Variants in ATOSA observed in about 807,000 individuals in gnomAD.
ATOSA encodes the protein atos homolog A.
At chr15:52,643,509 G>C in the ATOSA span, among the ~76,000 whole-genome samples, 1 of 146,444 alleles carries the variant, frequency 6.8e-6, no homozygotes, top group African/African-American at 2.5e-5. Flanking sequence ...GACTGGTCTT[G>C]AACTCCTGGG....
the ATOSA span, among the ~76,000 whole-genome samples, chr15:52,603,087 TC>T: frequency 4.6e-5 from 7 of 152,326 alleles, no homozygotes; most frequent in Non-Finnish European, 7.4e-5. Flanking sequence ...GCTGAAAATT[TC>T]TTCCCTGATC....
At chr15:52,709,552 C>G in the ATOSA span, among the ~76,000 whole-genome samples, 1 of 152,138 alleles carries the variant, frequency 6.6e-6, no homozygotes, top group African/African-American at 2.4e-5. Context: ...TGTATGTTCC[C>G]AAGACTGCAC....
the ATOSA span, among the ~76,000 whole-genome samples, chr15:52,648,094 C>A: frequency 2.7e-4 from 41 of 152,146 alleles, no homozygotes; most frequent in African/African-American, 9.9e-4. Context: ...ACGTTTTTAA[C>A]GTAGAATAAC....
At chr15:52,616,049 G>C in the ATOSA span, among the ~76,000 whole-genome samples, 1 of 152,152 alleles carries the variant, frequency 6.6e-6, no homozygotes, top group Non-Finnish European at 1.5e-5. Flanking sequence ...TACATCCCCA[G>C]GTTAAAAAAT....
At chr15:52,629,974 G>A in the ATOSA span, among the ~76,000 whole-genome samples, 1 of 152,118 alleles carries the variant, frequency 6.6e-6, no homozygotes, top group Non-Finnish European at 1.5e-5. Context: ...GTATACAATA[G>A]AGTAAAATTA....
At chr15:52,670,416 G>C in the ATOSA span, among the ~76,000 whole-genome samples, 1 of 152,294 alleles carries the variant, frequency 6.6e-6, no homozygotes, top group Non-Finnish European at 1.5e-5. Context: ...GTTCAGAAAG[G>C]CTATGTAATT....
chr15:52,695,397 G>A, the ATOSA span, among the ~76,000 whole-genome samples: 1 of 152,138 alleles, frequency 6.6e-6, no homozygotes, highest in African/African-American at 2.4e-5. Context: ...ACATCTACAG[G>A]ATGACTCACA....
the ATOSA span, chr15:52,609,643 G>A: frequency 6.2e-7 from 1 of 1,613,246 alleles, no homozygotes; most frequent in Non-Finnish European, 8.5e-7. Context: ...CATGGAGAAA[G>A]CTTCTTTACC....
chr15:52,639,926 T>A, the ATOSA span, among the ~76,000 whole-genome samples: 1 of 151,718 alleles, frequency 6.6e-6, no homozygotes, highest in Admixed American at 6.6e-5. Flanking sequence ...AATTTTTTTT[T>A]TTTTGGTATT....
chr15:52,693,148 G>T, the ATOSA span, among the ~76,000 whole-genome samples: 1 of 152,244 alleles, frequency 6.6e-6, no homozygotes, highest in East Asian at 1.9e-4. Flanking sequence ...GGCCAGGTGC[G>T]GTGGCTCATG....
chr15:52,652,631 A>C, the ATOSA span, among the ~76,000 whole-genome samples: 3 of 152,194 alleles, frequency 2.0e-5, no homozygotes, highest in Admixed American at 2.0e-4. Flanking sequence ...AAGAGGACTA[A>C]AGAAACAGGT....
the ATOSA span, among the ~76,000 whole-genome samples, chr15:52,688,729 A>G: frequency 6.6e-6 from 1 of 152,208 alleles, no homozygotes; most frequent in Admixed American, 6.5e-5. Context: ...CAGCCTGTAA[A>G]TGGTGGCTGC....
chr15:52,635,227 A>G, the ATOSA span, among the ~76,000 whole-genome samples: 4 of 152,176 alleles, frequency 2.6e-5, no homozygotes, highest in Non-Finnish European at 5.9e-5. Context: ...CCCTTTTTCA[A>G]TAGTAATCAA....
the ATOSA span, chr15:52,657,732 C>T: frequency 1.3e-5 from 2 of 152,304 alleles, no homozygotes; most frequent in East Asian, 3.9e-4. Context: ...AAGTCAGCAA[C>T]TTTAGCTTAC....
the ATOSA span, chr15:52,611,653 C>T: frequency 1.9e-6 from 3 of 1,613,986 alleles, no homozygotes; most frequent in East Asian, 4.5e-5. Context: ...TAGATCAATT[C>T]CCTCTGTGGT....
the ATOSA span, chr15:52,677,994 C>T: frequency 2.5e-6 from 4 of 1,613,988 alleles, no homozygotes; most frequent in Non-Finnish European, 3.4e-6. Context: ...CCTACTTAAA[C>T]AAATCATTTA....
chr15:52,590,760 A>G, the ATOSA span: 1 of 152,252 alleles, frequency 6.6e-6, no homozygotes, highest in Non-Finnish European at 1.5e-5. Context: ...TCACTTGCAA[A>G]AAGAATGCAT....
the ATOSA span, among the ~76,000 whole-genome samples, chr15:52,596,070 C>T: frequency 1.3e-5 from 2 of 152,008 alleles, no homozygotes; most frequent in South Asian, 2.1e-4. Flanking sequence ...GGTATGATCA[C>T]GCAGCTACAC....
chr15:52,694,991 C>A, the ATOSA span, among the ~76,000 whole-genome samples: 2 of 148,654 alleles, frequency 1.3e-5, no homozygotes, highest in African/African-American at 5.0e-5. Flanking sequence ...GTGGTGTGAT[C>A]CCGGCTCACT....
Sources: allele counts gnomAD v4.1 joint callset (sites outside exome capture counted in the v4.1 genomes callset), GRCh38; gene constraint gnomAD v4.1.1; transcripts MANE v1.5; gene names NCBI Gene and HGNC (gene_info 2026-07-23, HGNC 2026-07-21).